KIAA0825: variants seen among roughly 807,000 people sequenced by gnomAD.
The protein encoded by KIAA0825 is uncharacterized protein KIAA0825.
Under a neutral mutation model 147.6 loss-of-function variants are expected in KIAA0825, and 119 were observed. The observed-to-expected ratio is 0.81, with a 90% CI of 0.69 to 0.94. The LOEUF is 0.94. KIAA0825 is among the 40% of genes least tolerant of loss of function. The pLI is 0.00. For missense variants in KIAA0825, 1,381 were observed against 1,472.7 expected (o/e 0.94, Z 1.02); for synonymous variants, 470 against 518.1 (o/e 0.91, Z 1.26).
At chr5:94,260,411 T>C (rs1776435360) in intron 20 of KIAA0825, among the ~76,000 whole-genome samples, 1 of 152,162 alleles carries the variant, frequency 6.6e-6, no homozygotes, top group African/African-American at 2.4e-5. Context: ...TTTAAGTATG[T>C]TCTTACATAA....
At chr5:94,462,878 C>G (rs939281617) in intron 11 of KIAA0825, among the ~76,000 whole-genome samples, 3 of 151,498 alleles carry the variant, frequency 2.0e-5, no homozygotes, top group African/African-American at 7.3e-5. Flanking sequence ...GAGATCATCC[C>G]GGAAATTATA....
At chr5:94,499,135 A>C (rs970172755) in intron 5 of KIAA0825, among the ~76,000 whole-genome samples, 5 of 152,174 alleles carry the variant, frequency 3.3e-5, no homozygotes, top group Non-Finnish European at 7.3e-5. Context: ...AAATATGATT[A>C]GTTGCTCCAG....
At chr5:94,492,973 G>C (rs976302778) in intron 5 of KIAA0825, among the ~76,000 whole-genome samples, 3 of 152,160 alleles carry the variant, frequency 2.0e-5, no homozygotes, top group African/African-American at 7.2e-5. Context: ...TTTTGTTTGT[G>C]TATGTGCATG....
intron 20 of KIAA0825, among the ~76,000 whole-genome samples, chr5:94,263,665 CT>C (rs139379808): frequency 6.6e-6 from 1 of 150,826 alleles, no homozygotes; most frequent in Admixed American, 6.6e-5. Context: ...CTCTCTCTCT[CT>C]TTTTTTTTGC....
chr5:94,605,345 A>G (rs1297836562), intron 1 of KIAA0825, among the ~76,000 whole-genome samples: 1 of 152,208 alleles, frequency 6.6e-6, no homozygotes, highest in Non-Finnish European at 1.5e-5. Context: ...TACAAACAAG[A>G]GCTGGTATCA....
chr5:94,154,355 A>C (rs1285988995), intron 20 of KIAA0825, among the ~76,000 whole-genome samples: 1 of 152,208 alleles, frequency 6.6e-6, no homozygotes, highest in Non-Finnish European at 1.5e-5. Context: ...TTCAGGATAA[A>C]GTTTTTAAAG....
intron 20 of KIAA0825, among the ~76,000 whole-genome samples, chr5:94,342,040 A>C (rs1213666400): frequency 6.6e-6 from 1 of 152,006 alleles, no homozygotes; most frequent in Non-Finnish European, 1.5e-5. Context: ...AAAAATACAA[A>C]AAGAAGTTAG....
chr5:94,236,969 T>C (rs1229389112), intron 20 of KIAA0825, among the ~76,000 whole-genome samples: 1 of 152,210 alleles, frequency 6.6e-6, no homozygotes, highest in African/African-American at 2.4e-5. Flanking sequence ...ACTCAGTTTA[T>C]TGAAATATTC....
intron 20 of KIAA0825, among the ~76,000 whole-genome samples, chr5:94,348,829 C>G (rs1783307894): frequency 6.6e-6 from 1 of 152,144 alleles, no homozygotes; most frequent in South Asian, 2.1e-4. Flanking sequence ...AAAACAGAAC[C>G]TTTTTAAAGC....
At position 94,384,566 on chromosome 5, in the gene KIAA0825, T is replaced by A. The variant is rs773694721; in HGVS notation, c.3620-108A>T. The stretch of plus-strand genomic sequence containing the variant: ...ATAGACTAACTAAGAAGGAGGGGGG[T>A]CCAGAACAAGGACTTAGACAGATAA... On this transcript the variant is annotated intron_variant, in intron 19 of 20. Transcript: ENST00000682413. 5 of 842,316 alleles carry A rather than the reference T, an allele frequency of 5.9e-6. No homozygotes were observed. The Admixed American group carries it at 6.4e-5, about 11-fold the overall frequency. 52.2% of individuals were successfully genotyped at this position (842,316 alleles called of 1,614,324 possible).
chr5:94,255,433 G>A (rs181722474), intron 20 of KIAA0825, among the ~76,000 whole-genome samples: 2 of 152,048 alleles, frequency 1.3e-5, no homozygotes, highest in East Asian at 3.9e-4. Context: ...AGCAGTGTAG[G>A]AGAGGCAGCT....
intron 2 of KIAA0825, among the ~76,000 whole-genome samples, chr5:94,541,648 G>T (rs1470751858): frequency 1.3e-5 from 2 of 152,174 alleles, no homozygotes; most frequent in African/African-American, 4.8e-5. Flanking sequence ...GCAAAGACTT[G>T]CTTTTAATCT....
At chr5:94,320,682 G>A (rs1340969117) in intron 20 of KIAA0825, among the ~76,000 whole-genome samples, 1 of 151,916 alleles carries the variant, frequency 6.6e-6, no homozygotes, top group Non-Finnish European at 1.5e-5. Context: ...GCCTAAAATG[G>A]TTGTGATCCA....
intron 20 of KIAA0825, among the ~76,000 whole-genome samples, chr5:94,312,973 G>T (rs1584077807): frequency 2.0e-5 from 3 of 151,606 alleles, no homozygotes; most frequent in Admixed American, 2.0e-4. Flanking sequence ...TACCACAGGG[G>T]CTCAACATTG....
chr5:94,587,641 A>G (rs987240621), intron 1 of KIAA0825, among the ~76,000 whole-genome samples: 1 of 152,228 alleles, frequency 6.6e-6, no homozygotes, highest in Admixed American at 6.5e-5. Flanking sequence ...TATAGATTCA[A>G]TGCTATCCCC....
intron 2 of KIAA0825, among the ~76,000 whole-genome samples, chr5:94,576,532 G>A (rs1241643178): frequency 6.6e-6 from 1 of 152,116 alleles, no homozygotes; most frequent in Non-Finnish European, 1.5e-5. Context: ...ATCACCTCTG[G>A]ACTCTATGTA....
chr5:94,470,091 A>ACAAGCACCAGGAATATGGGT lies in KIAA0825; in HGVS notation c.1722_1741dup (p.Val581AspfsTer81), dbSNP rs1761030659. The ACAAGCACCAGGAATATGGGT allele has an allele frequency of 6.4e-7, 1 of 1,551,426 alleles. No individual in the cohort carries two copies. Among genetic ancestry groups the ACAAGCACCAGGAATATGGGT allele is most frequent in the Non-Finnish European group, 8.7e-7 (1 of 1,146,908 alleles). On this transcript the variant is annotated frameshift_variant, in exon 10 of 21. Transcript: ENST00000682413. LOFTEE classifies it high-confidence loss of function. ...GTTGATGAATTCCTGATATCGTTGGACAAGCACCAGGAATATGGGTCTGTT... is the reference window on the plus strand; with the variant it reads ...GTTGATGAATTCCTGATATCGTTGGACAAGCACCAGGAATATGGGTCAAGCACCAGGAATATGGGTCTGTT...
At chr5:94,557,004 C>T (rs1776657068) in intron 2 of KIAA0825, among the ~76,000 whole-genome samples, 1 of 152,202 alleles carries the variant, frequency 6.6e-6, no homozygotes, top group African/African-American at 2.4e-5. Context: ...AATAGCACGC[C>T]TTCCTAGTTT....
intron 5 of KIAA0825, among the ~76,000 whole-genome samples, chr5:94,490,263 T>C (rs1388595376): frequency 1.3e-5 from 2 of 151,998 alleles, no homozygotes; most frequent in Non-Finnish European, 2.9e-5. Context: ...AAAAACAAAG[T>C]GAATGAAATC....
Sources: allele counts gnomAD v4.1 joint callset (sites outside exome capture counted in the v4.1 genomes callset), GRCh38; gene constraint gnomAD v4.1.1; transcripts MANE v1.5; gene names NCBI Gene and HGNC (gene_info 2026-07-23, HGNC 2026-07-21).